The following EVC variants were observed in gnomAD, a reference collection of about 807,000 sequenced individuals.
EVC encodes EvC ciliary complex subunit 1, also known as evC complex member EVC.
A neutral mutation model predicts 118.9 loss-of-function variants in EVC; 116 were observed. The observed-to-expected ratio is 0.98, with a 90% CI of 0.84 to 1.14. EVC has a LOEUF of 1.14. EVC is among the 50% of genes most tolerant of loss of function. The pLI is 0.00. For synonymous variants in EVC, 619 were observed against 534.7 expected, an observed-to-expected ratio of 1.16 and a Z score of -2.18; for missense variants, 1,401 against 1,246.4, an observed-to-expected ratio of 1.12 and a Z score of -1.87.
intron 1 of EVC, among the ~76,000 whole-genome samples, chr4:5,715,289 T>C (rs1181292810): frequency 6.6e-6 from 1 of 152,232 alleles, no homozygotes; most frequent in Non-Finnish European, 1.5e-5. Flanking sequence ...AGCTGGTTAT[T>C]CTCTAGACAG....
At chr4:5,824,086 T>G in the EVC span, among the ~76,000 whole-genome samples, 1 of 152,172 alleles carries the variant, frequency 6.6e-6, no homozygotes, top group African/African-American at 2.4e-5. Context: ...GGCTTTTAAC[T>G]TCATTGTTAT....
At position 5,754,420 on chromosome 4, in the gene EVC, C is replaced by T. The variant is rs1730865994; in HGVS notation, c.1464+487C>T. 6.6e-6 allele frequency among the ~76,000 whole-genome samples: 1 copy of T among 152,080 alleles called. No homozygotes were observed. Among genetic ancestry groups the T allele is most frequent in the African/African-American group, 2.4e-5 (1 of 41,414 alleles). The stretch of plus-strand genomic sequence containing the variant: ...AGGAGGTGGCCAAGGTCAGAGGTAC[C>T]CTTGGTCTTGCCTGAGAAGGGGACA... On this transcript the variant is annotated intron_variant, in intron 10 of 20. Transcript: ENST00000264956. The surrounding 1 kb of genome is among the most constrained non-coding windows in gnomAD (Gnocchi z 5.8).
At chr4:5,822,840 T>G in the EVC span, among the ~76,000 whole-genome samples, 1 of 152,156 alleles carries the variant, frequency 6.6e-6, no homozygotes, top group Non-Finnish European at 1.5e-5. Flanking sequence ...AAAACGTAAG[T>G]AAGTTAGCTC....
At chr4:5,781,815 G>A (rs970052981) in intron 11 of EVC, among the ~76,000 whole-genome samples, 3 of 152,152 alleles carry the variant, frequency 2.0e-5, no homozygotes, top group Non-Finnish European at 4.4e-5. Flanking sequence ...GGGCGACAGA[G>A]GGAGATCCTG....
chr4:5,731,722 C>G lies in EVC; in HGVS notation c.617+65C>G, dbSNP rs1334390488. ...TCTTGGAGTGGGCCGGGAGTCACAT[C>G]ATTGTCAGAGGAGGAAACAGAGGCC... is the stretch of plus-strand genomic sequence containing the variant. On this transcript the variant is annotated intron_variant, in intron 4 of 20. Coordinates refer to ENST00000264956, the MANE Select transcript of EVC (RefSeq NM_153717.3). This position sits in a 1 kb window ranked among gnomAD's most constrained non-coding sequence, Gnocchi z 5.6. 1 of 1,462,208 alleles carries G rather than the reference C, an allele frequency of 6.8e-7. No individual in the cohort carries two copies. The highest frequency in any genetic ancestry group is 9.4e-7 in the Non-Finnish European group (1 of 1,060,486). 90.6% of individuals were successfully genotyped at this position (1,462,208 alleles called of 1,614,324 possible). A position where few individuals can be genotyped will look rare whatever the true frequency, so the allele number is the denominator to read the frequency against.
intron 1 of EVC, among the ~76,000 whole-genome samples, chr4:5,713,776 G>A (rs993618040): frequency 1.3e-5 from 2 of 151,752 alleles, no homozygotes; most frequent in Non-Finnish European, 2.9e-5. Flanking sequence ...GGTGGTGCAT[G>A]CCTGTAATCC....
In EVC at chr4:5,797,236, A is replaced by C; in HGVS notation, c.2097+4A>C. 6.2e-7 allele frequency: 1 copy of C among 1,601,978 alleles called. No homozygotes were observed. Among genetic ancestry groups the C allele is most frequent in the Middle Eastern group, 2.2e-4 (1 of 4,646 alleles). Reference sequence around the variant, plus strand: ...GTGGCAGCTGCTCAGGGCCCTGGTAAGACCAGCATGGTGGCCCCACCCATT... The same window carrying C: ...GTGGCAGCTGCTCAGGGCCCTGGTACGACCAGCATGGTGGCCCCACCCATT... On this transcript the variant is annotated splice_donor_region_variant and intron_variant, in intron 14 of 20. Coordinates refer to ENST00000264956, the MANE Select transcript of EVC (RefSeq NM_153717.3).
At chr4:5,732,146 C>A (rs1336432360) in intron 4 of EVC, among the ~76,000 whole-genome samples, 1 of 152,214 alleles carries the variant, frequency 6.6e-6, no homozygotes, top group Admixed American at 6.5e-5. Context: ...AAGGGAAACA[C>A]AGAGAGGCTG....
chr4:5,788,605 C>A (rs1349432351), intron 12 of EVC, among the ~76,000 whole-genome samples: 2 of 152,232 alleles, frequency 1.3e-5, no homozygotes, highest in African/African-American at 4.8e-5. Context: ...ACCTTGGGGT[C>A]ATCCTCGACT....
At chr4:5,799,627 G>A (rs575055078) in intron 15 of EVC, among the ~76,000 whole-genome samples, 1 of 152,328 alleles carries the variant, frequency 6.6e-6, no homozygotes, top group South Asian at 2.1e-4. Flanking sequence ...TAGGCAGGAT[G>A]TCTGTGGCTG....
chr4:5,822,670 G>A, the EVC span, among the ~76,000 whole-genome samples: 5 of 152,202 alleles, frequency 3.3e-5, no homozygotes, highest in Non-Finnish European at 5.9e-5. Flanking sequence ...AATGCTGAAA[G>A]GTGGGAAGGA....
chr4:5,781,791 C>T (rs1327108048), intron 11 of EVC, among the ~76,000 whole-genome samples: 1 of 152,152 alleles, frequency 6.6e-6, no homozygotes, highest in African/African-American at 2.4e-5. Context: ...GATCACGCCC[C>T]TGAACTCCAG....
intron 3 of EVC, among the ~76,000 whole-genome samples, chr4:5,730,017 G>A (rs917534015): frequency 1.3e-5 from 2 of 152,176 alleles, no homozygotes; most frequent in Non-Finnish European, 2.9e-5. Flanking sequence ...AGTGAAATAA[G>A]TTTGGGAAAA....
chr4:5,736,139 G>T (rs1310624626), intron 5 of EVC, among the ~76,000 whole-genome samples: 1 of 152,172 alleles, frequency 6.6e-6, no homozygotes, highest in African/African-American at 2.4e-5. Context: ...AGAGTGGCCA[G>T]GATGAGAACA....
chr4:5,730,564 C>T (rs1054797949), intron 3 of EVC, among the ~76,000 whole-genome samples: 2 of 152,124 alleles, frequency 1.3e-5, no homozygotes, highest in East Asian at 1.9e-4. Flanking sequence ...GTCAGCAGAG[C>T]GTCAGCCCCA....
chr4:5,805,525 A>G (rs767029618), intron 17 of EVC, among the ~76,000 whole-genome samples: 1 of 152,210 alleles, frequency 6.6e-6, no homozygotes, highest in South Asian at 2.1e-4. Context: ...CAGTCTGGCA[A>G]GTCCTCAGAT....
rs139143544 is a variant in EVC, at chr4:5,769,856, C to G, written c.1563+13494C>G. ...AAGAACACAGGCATGATAACAGGTGCTTATGAAGTGTCTGAGAGTAGTTCC... is the reference window on the plus strand; with the variant it reads ...AAGAACACAGGCATGATAACAGGTGGTTATGAAGTGTCTGAGAGTAGTTCC... On this transcript the variant is annotated intron_variant, in intron 11 of 20. Transcript: ENST00000264956. Among the ~76,000 whole-genome samples, 1,114 of 152,236 alleles carry G rather than the reference C, an allele frequency of 7.3e-3. 9 individuals are homozygous for G. The highest frequency in any genetic ancestry group is 0.017 in the Middle Eastern group (5 of 294).
rs1443859633 is a variant in EVC, at chr4:5,810,330, C to T, written c.2783-9C>T. The T allele has an allele frequency of 6.2e-7, 1 of 1,607,440 alleles. No homozygotes were observed. Among genetic ancestry groups the T allele is most frequent in the Non-Finnish European group, 8.5e-7 (1 of 1,175,180 alleles). On this transcript the variant is annotated splice_polypyrimidine_tract_variant and intron_variant, in intron 19 of 20. Coordinates refer to ENST00000264956, the MANE Select transcript of EVC (RefSeq NM_153717.3). ...CAGAGCCATGCCTGGGTTCATCTGT[C>T]CTCTACAGAGAAGCCCCTAAGGACT...
At position 5,802,411 on chromosome 4, in the gene EVC, A is replaced by T. The variant is rs7694192; in HGVS notation, c.2449+317A>T. ...GTCCCCAGCCTTTTCAGCACCAGGG[A>T]CTGGTTTCATGGAAGACTATTTTTC... On this transcript the variant is annotated intron_variant, in intron 16 of 20. Coordinates refer to ENST00000264956, the MANE Select transcript of EVC (RefSeq NM_153717.3). Among the ~76,000 whole-genome samples the T allele has an allele frequency of 0.06, 9,146 of 152,188 alleles. 462 individuals are homozygous for T. Among genetic ancestry groups the T allele is most frequent in the African/African-American group, 0.13 (5,478 of 41,486 alleles).
Sources: gnomAD v4.1 joint callset for allele counts (sites outside exome capture counted in the v4.1 genomes callset) on GRCh38, gnomAD v4.1.1 for gene constraint, Gnocchi (gnomAD v3.1) non-coding constraint, MANE v1.5 for transcripts, NCBI Gene and HGNC (gene_info 2026-07-23, HGNC 2026-07-21) for gene names.